The following PARVB variants were observed in gnomAD, a reference collection of about 807,000 sequenced individuals.
PARVB encodes the protein parvin beta.
Under a neutral mutation model 47.0 loss-of-function variants are expected in PARVB, and 46 were observed. The ratio of observed to expected loss-of-function variants is 0.98; its 90% CI spans 0.77 to 1.25. PARVB has a LOEUF of 1.25. PARVB is among the 50% of genes most tolerant of loss of function. The pLI is 0.00. For missense variants in PARVB, 473 were observed against 471.6 expected, an observed-to-expected ratio of 1.00 and a Z score of -0.03; for synonymous variants, 196 against 196.3, an observed-to-expected ratio of 1.00 and a Z score of 0.01.
At chr22:44,035,368 C>CTTTTTT (rs57745730) in intron 1 of PARVB, among the ~76,000 whole-genome samples, 2 of 118,038 alleles carry the variant, frequency 1.7e-5, no homozygotes, top group South Asian at 2.8e-4. Flanking sequence ...TTTCTTTTTC[C>CTTTTTT]TTTTTTTTTT....
chr22:44,093,778 C>G (rs985296121), intron 1 of PARVB, 150 bp from the exon 2 acceptor site: 2 of 585,242 alleles, frequency 3.4e-6, no homozygotes, highest in South Asian at 2.2e-5. Context: ...ATTTTTCCCT[C>G]TGACTCTTTC....
rs1240935577 is a variant in PARVB, at chr22:44,053,807, T to C, written c.112+29356T>C. Among the ~76,000 whole-genome samples, 3 of 152,208 alleles carry C rather than the reference T, an allele frequency of 2.0e-5. No homozygotes were observed. In the East Asian group the frequency reaches 5.8e-4, roughly 29 times the overall value. On this transcript the variant is annotated intron_variant, in intron 1 of 12. Transcript: ENST00000338758. ...ACATTTACTTATATTTCCTGGTTTATTATAAAGGATATTACAAAGGATACA... is the reference window on the plus strand; with the variant it reads ...ACATTTACTTATATTTCCTGGTTTACTATAAAGGATATTACAAAGGATACA...
intron 1 of PARVB, among the ~76,000 whole-genome samples, chr22:44,048,709 C>G (rs1028619628): frequency 2.6e-5 from 4 of 152,164 alleles, no homozygotes; most frequent in African/African-American, 9.7e-5. Context: ...TGACAGGAGT[C>G]CGCCACCATG....
intron 1 of PARVB, among the ~76,000 whole-genome samples, chr22:44,075,010 G>C (rs541828338): frequency 6.6e-6 from 1 of 152,194 alleles, no homozygotes; most frequent in Non-Finnish European, 1.5e-5. Flanking sequence ...GCATTGCGGG[G>C]TGTTGAGCGG....
At chr22:44,144,865 A>G (rs2053630604) in intron 8 of PARVB, 1 of 152,372 alleles carries the variant, frequency 6.6e-6, no homozygotes, top group East Asian at 1.9e-4. Flanking sequence ...AAATCAAAAC[A>G]TTACAGCGAC....
chr22:44,027,618 C>T (rs1184964529), intron 1 of PARVB, among the ~76,000 whole-genome samples: 1 of 152,136 alleles, frequency 6.6e-6, no homozygotes, highest in African/African-American at 2.4e-5. Context: ...TATGTGTGGG[C>T]CAGGTGAGGT....
intron 2 of PARVB, among the ~76,000 whole-genome samples, chr22:44,018,293 T>G (rs2050606428): frequency 6.6e-6 from 1 of 152,074 alleles, no homozygotes; most frequent in South Asian, 2.1e-4. Context: ...TCCCAGCTAC[T>G]TGGGAGGCTG....
chr22:44,097,836 A>G (rs1241627685), intron 2 of PARVB, among the ~76,000 whole-genome samples: 2 of 152,192 alleles, frequency 1.3e-5, no homozygotes, highest in Non-Finnish European at 2.9e-5. Flanking sequence ...TGGTAACAGT[A>G]AGCCTCGAAA....
At chr22:44,163,240 C>T (rs2054090936) in intron 11 of PARVB, among the ~76,000 whole-genome samples, 1 of 152,116 alleles carries the variant, frequency 6.6e-6, no homozygotes, top group Admixed American at 6.5e-5. Context: ...GAGGCTGAGG[C>T]GGGTGGATCA....
chr22:44,126,164 C>T lies in PARVB; in HGVS notation c.377-5323C>T, dbSNP rs28566490. ...GCAGCACTGAGCTGATGTTTAGCAC[C>T]GTGGGACTGCACGGCTTCACCCAAA... On this transcript the variant is annotated intron_variant, in intron 4 of 12. Coordinates refer to ENST00000338758, the MANE Select transcript of PARVB (RefSeq NM_013327.5). Among the ~76,000 whole-genome samples, 897 of 152,166 alleles carry T rather than the reference C, an allele frequency of 5.9e-3. 7 individuals carry two copies. The highest frequency in any genetic ancestry group is 0.021 in the African/African-American group (858 of 41,498).
intron 11 of PARVB, among the ~76,000 whole-genome samples, chr22:44,161,802 C>T (rs886683575): frequency 4.6e-5 from 7 of 152,218 alleles, no homozygotes; most frequent in Non-Finnish European, 7.3e-5. Context: ...AGGGGAACTG[C>T]GTTCTGCACC....
chr22:44,043,562 A>C (rs1265088332), intron 1 of PARVB, among the ~76,000 whole-genome samples: 1 of 152,080 alleles, frequency 6.6e-6, no homozygotes, highest in Non-Finnish European at 1.5e-5. Flanking sequence ...TATTTTTCGT[A>C]GAGACAGGGT....
intron 1 of PARVB, among the ~76,000 whole-genome samples, chr22:44,063,020 C>T (rs1372534079): frequency 6.6e-6 from 1 of 152,060 alleles, no homozygotes; most frequent in Admixed American, 6.5e-5. Context: ...CAGCCCCCAC[C>T]CAGGAGCCAC....
At position 44,143,420 on chromosome 22, in the gene PARVB, G is replaced by A. The variant is rs991748565; in HGVS notation, c.712+3277G>A. Reference sequence around the variant, plus strand: ...TGTGGGCTGGAGCTGACCTTTCCTCGGGGTGCACCCCACCCCCTGCCAAAG... The same window carrying A: ...TGTGGGCTGGAGCTGACCTTTCCTCAGGGTGCACCCCACCCCCTGCCAAAG... On this transcript the variant is annotated intron_variant, in intron 8 of 12. Transcript: ENST00000338758. 5.9e-5 allele frequency: 9 copies of A among 152,386 alleles called. No individual in the cohort carries two copies. In the East Asian group the frequency reaches 1.4e-3, roughly 23 times the overall value. The allele number at this position is 152,386 out of a possible 1,614,324, so 9.4% of individuals were successfully genotyped here. A position where few individuals can be genotyped will look rare whatever the true frequency, so the allele number is the denominator to read the frequency against.
chr22:44,140,289 G>A (rs950793945), intron 8 of PARVB, 146 bp downstream of exon 8: 17 of 827,218 alleles, frequency 2.1e-5, no homozygotes, highest in African/African-American at 2.0e-4. Flanking sequence ...TAGAGAAAGT[G>A]CACAGCCCAC....
chr22:44,007,261 G>A lies in PARVB; in HGVS notation c.211+7588G>A, dbSNP rs904709331. On this transcript the variant is annotated intron_variant, in intron 2 of 13. Transcript: ENST00000406477. Reference sequence around the variant, plus strand: ...AGATGGGGAGGGGGTGCCCAGCTCCGCCTATGGGAGGAAGGTGGGCTGGGG... The same window carrying A: ...AGATGGGGAGGGGGTGCCCAGCTCCACCTATGGGAGGAAGGTGGGCTGGGG... Among the ~76,000 whole-genome samples, 21 of 151,668 alleles carry A rather than the reference G, an allele frequency of 1.4e-4. 1 individual carries two copies. The highest frequency in any genetic ancestry group is 1.3e-4 in the Admixed American group (2 of 15,240).
intron 4 of PARVB, chr22:44,119,795 T>G (rs755373820): frequency 1.9e-6 from 1 of 532,956 alleles, no homozygotes; most frequent in Non-Finnish European, 3.8e-6. Context: ...ACAGTTACTG[T>G]TCAGATTGCT....
At chr22:44,156,006 C>G (rs940811855) in intron 10 of PARVB, among the ~76,000 whole-genome samples, 3 of 151,956 alleles carry the variant, frequency 2.0e-5, no homozygotes, top group Admixed American at 6.6e-5. Flanking sequence ...CAAAAATTGG[C>G]GGGTATGGTG....
At chr22:44,160,584 A>G (rs1214943217) in intron 11 of PARVB, among the ~76,000 whole-genome samples, 1 of 152,132 alleles carries the variant, frequency 6.6e-6, no homozygotes, top group Non-Finnish European at 1.5e-5. Context: ...TGTGCTGGGT[A>G]TCCAGGGATC....
Sources: gnomAD v4.1 joint callset for allele counts (sites outside exome capture counted in the v4.1 genomes callset) on GRCh38, gnomAD v4.1.1 for gene constraint, MANE v1.5 for transcripts, NCBI Gene and HGNC (gene_info 2026-07-23, HGNC 2026-07-21) for gene names.